ITSN2: variants seen among roughly 807,000 people sequenced by gnomAD.
ITSN2 encodes intersectin 2, also known as intersectin-2.
Under a neutral mutation model 243.7 loss-of-function variants are expected in ITSN2, and 156 were observed. The observed-to-expected ratio is 0.64, with a 90% CI of 0.56 to 0.73. ITSN2 has a LOEUF of 0.73. ITSN2 is among the 30% of genes least tolerant of loss of function. The probability of loss-of-function intolerance (pLI) is 0.00; values close to 1 mark genes in which losing one functional copy is unlikely to be tolerated. For missense variants in ITSN2, 1,801 were observed against 1,996.1 expected, an observed-to-expected ratio of 0.90 and a Z score of 1.86; for synonymous variants, 703 against 699.9, an observed-to-expected ratio of 1.00 and a Z score of -0.07.
chr2:24,278,558 CA>C (rs1678323655), intron 17 of ITSN2, among the ~76,000 whole-genome samples: 2 of 151,648 alleles, frequency 1.3e-5, no homozygotes, highest in Non-Finnish European at 2.9e-5. Context: ...TGGGTTAAGT[CA>C]CTACTTCCAG....
intron 29 of ITSN2, among the ~76,000 whole-genome samples, chr2:24,226,989 G>A (rs916091499): frequency 6.6e-6 from 1 of 152,108 alleles, no homozygotes; most frequent in Middle Eastern, 3.2e-3. Context: ...GGTGGCGTCT[G>A]CCTGTAGTCC....
intron 17 of ITSN2, among the ~76,000 whole-genome samples, chr2:24,280,885 C>T (rs1574130534): frequency 6.6e-6 from 1 of 152,342 alleles, no homozygotes; most frequent in East Asian, 1.9e-4. Context: ...TTTAACTCTA[C>T]TTAATCCATC....
At chr2:24,226,238 C>A (rs1671016734) in intron 29 of ITSN2, among the ~76,000 whole-genome samples, 1 of 152,180 alleles carries the variant, frequency 6.6e-6, no homozygotes, top group South Asian at 2.1e-4. Flanking sequence ...CTCACCTTTT[C>A]CCTGTTCTGC....
intron 17 of ITSN2, among the ~76,000 whole-genome samples, chr2:24,283,502 A>G (rs1340512709): frequency 6.6e-6 from 1 of 152,254 alleles, no homozygotes; most frequent in Non-Finnish European, 1.5e-5. Context: ...TTGGGATTAC[A>G]GGCGTGAGCC....
intron 1 of ITSN2, among the ~76,000 whole-genome samples, chr2:24,333,945 A>G (rs928132625): frequency 6.6e-6 from 1 of 152,200 alleles, no homozygotes; most frequent in Non-Finnish European, 1.5e-5. Context: ...ACTGGAGTGC[A>G]GTGGCACAAT....
intron 17 of ITSN2, among the ~76,000 whole-genome samples, chr2:24,283,279 C>T (rs1307690385): frequency 6.6e-6 from 1 of 151,892 alleles, no homozygotes; most frequent in African/African-American, 2.4e-5. Flanking sequence ...GGCTGGAGTG[C>T]AATGGTGCGA....
chr2:24,353,514 G>C (rs2151947711), intron 1 of ITSN2, among the ~76,000 whole-genome samples: 1 of 152,280 alleles, frequency 6.6e-6, no homozygotes, highest in African/African-American at 2.4e-5. Context: ...GGAGGTTGCA[G>C]TGAGCTGAGA....
At chr2:24,345,035 T>C (rs1031672652) in intron 1 of ITSN2, among the ~76,000 whole-genome samples, 31 of 152,310 alleles carry the variant, frequency 2.0e-4, no homozygotes, top group African/African-American at 7.5e-4. Context: ...TATTATCACC[T>C]CAACATATGA....
rs553392151 is a variant in ITSN2 at position 24,205,208 on chromosome 2, A to AT, written c.4762+5dup. On this transcript the variant is annotated splice_donor_region_variant and intron_variant, in intron 38 of 39. Coordinates refer to ENST00000355123, the MANE Select transcript of ITSN2 (RefSeq NM_006277.3). The stretch of plus-strand genomic sequence containing the variant: ...TGTCTGCTGAATGAATCAAGGCAGT[A>AT]TTTACCATTTGGTTTGCAGGCTTTT... The AT allele has an allele frequency of 6.2e-7, 1 of 1,612,178 alleles. No individual in the cohort carries two copies. Among genetic ancestry groups the AT allele is most frequent in the South Asian group, 1.1e-5 (1 of 91,032 alleles).
chr2:24,337,201 T>C (rs1319918015), intron 1 of ITSN2, among the ~76,000 whole-genome samples: 2 of 149,286 alleles, frequency 1.3e-5, no homozygotes, highest in Non-Finnish European at 3.0e-5. Flanking sequence ...TTTGATTAAA[T>C]AAATTTGACG....
chr2:24,288,566 T>C (rs1679823171), intron 15 of ITSN2, among the ~76,000 whole-genome samples: 1 of 152,132 alleles, frequency 6.6e-6, no homozygotes, highest in Admixed American at 6.5e-5. Context: ...TAAAAACTTG[T>C]ATTTATAGTA....
Position 24,310,515 on chromosome 2 carries a change from G to A in ITSN2, c.530C>T (p.Pro177Leu). The A allele has an allele frequency of 6.2e-7, 1 of 1,614,174 alleles. No individual in the cohort carries two copies. The highest frequency in any genetic ancestry group is 8.5e-7 in the Non-Finnish European group (1 of 1,180,014). Reference protein sequence around the residue: ...LPNGTASLIQPLPIPYSSSTL... With the variant: ...LPNGTASLIQLLPIPYSSSTL... ...TGAAGAAGAATAAGGAATGGGTAAA[G>A]GCTGAATGAGACTGGCGGTTCCATT... Residue 177 changes from proline (P) to leucine (L), a missense_variant, in exon 6 of 40, where the codon CCT (proline) becomes CTT (leucine). This residue lies in a region of ITSN2 where 787 missense variants were observed against 803.9 expected (regional missense o/e 0.98). Transcript: ENST00000355123.
At chr2:24,337,325 T>TATATACACATATATATATACATAC in intron 1 of ITSN2, among the ~76,000 whole-genome samples, 1 of 94,458 alleles carries the variant, frequency 1.1e-5, no homozygotes, top group African/African-American at 4.4e-5. Flanking sequence ...AATATATATA[T>TATATACACATATATATATACATAC]ATATATATAT....
intron 24 of ITSN2, among the ~76,000 whole-genome samples, chr2:24,253,222 G>A (rs959306779): frequency 6.6e-6 from 1 of 152,016 alleles, no homozygotes; most frequent in South Asian, 2.1e-4. Flanking sequence ...TGGCCAACAT[G>A]GAATTTGATC....
chr2:24,204,700 C>T lies in ITSN2; in HGVS notation c.4763-282G>A. ...GAGTGTCACTGCAACCTGCTGCATG[C>T]TTCCTCGGCGCAGACACACTCGGGA... is the stretch of plus-strand genomic sequence containing the variant. On this transcript the variant is annotated intron_variant, in intron 38 of 39. Transcript: ENST00000355123. This position sits in a 1 kb window ranked among gnomAD's most constrained non-coding sequence, Gnocchi z 5.1. 1.7e-6 allele frequency: 1 copy of T among 574,482 alleles called. No homozygotes were observed. The highest frequency in any genetic ancestry group is 1.5e-5 in the South Asian group (1 of 65,612). 35.6% of individuals were successfully genotyped at this position (574,482 alleles called of 1,614,324 possible). A position where few individuals can be genotyped will look rare whatever the true frequency, so the allele number is the denominator to read the frequency against.
intron 1 of ITSN2, among the ~76,000 whole-genome samples, chr2:24,337,517 A>G (rs1239514776): frequency 6.8e-6 from 1 of 146,086 alleles, no homozygotes; most frequent in Admixed American, 6.8e-5. Context: ...TGCCCAGCTA[A>G]TTTTTTGTAT....
chr2:24,250,044 C>T (rs1271985733), intron 25 of ITSN2, among the ~76,000 whole-genome samples: 1 of 152,200 alleles, frequency 6.6e-6, no homozygotes, highest in Non-Finnish European at 1.5e-5. Context: ...GCCAGTTTCA[C>T]TTAATAATGT....
intron 15 of ITSN2, among the ~76,000 whole-genome samples, chr2:24,289,524 T>C (rs1037553290): frequency 3.3e-5 from 5 of 152,246 alleles, no homozygotes; most frequent in Non-Finnish European, 7.3e-5. Flanking sequence ...TTTCAACATA[T>C]AGGATCATGT....
At chr2:24,347,513 C>A (rs575627580) in intron 1 of ITSN2, among the ~76,000 whole-genome samples, 2 of 152,208 alleles carry the variant, frequency 1.3e-5, no homozygotes, top group East Asian at 3.9e-4. Context: ...ATGGAGAAAC[C>A]CCGTCCCTGC....
Sources: allele counts gnomAD v4.1 joint callset (sites outside exome capture counted in the v4.1 genomes callset), GRCh38; gene constraint gnomAD v4.1.1; regional missense constraint gnomAD v4.1.1; non-coding constraint Gnocchi (gnomAD v3.1); transcripts MANE v1.5; gene names NCBI Gene and HGNC (gene_info 2026-07-23, HGNC 2026-07-21).